XIRP2: variants seen among roughly 807,000 people sequenced by gnomAD.
XIRP2 encodes the protein xin actin-binding repeat-containing protein 2.
XIRP2 carries 236 observed loss-of-function variants against 277.0 expected under a neutral mutation model. The observed-to-expected ratio is 0.85, with a 90% CI of 0.77 to 0.95. The LOEUF (loss-of-function observed/expected upper bound fraction) is 0.95, where lower values mean the gene tolerates loss of function less well. XIRP2 is among the 40% of genes least tolerant of loss of function. The pLI is 0.00. For missense variants in XIRP2, 4,640 were observed against 4,157.5 expected (o/e 1.12, Z -3.19); for synonymous variants, 1,490 against 1,416.5 (o/e 1.05, Z -1.17).
chr2:167,121,594 C>T (rs559733465), intron 2 of XIRP2, among the ~76,000 whole-genome samples: 1 of 152,142 alleles, frequency 6.6e-6, no homozygotes, highest in African/African-American at 2.4e-5. Flanking sequence ...GTTTTCTTTT[C>T]ATTATAATTC....
At chr2:166,939,539 G>T (rs1396269800) in intron 2 of XIRP2, among the ~76,000 whole-genome samples, 2 of 151,324 alleles carry the variant, frequency 1.3e-5, no homozygotes, top group Non-Finnish European at 2.9e-5. Context: ...AATTAGCTGG[G>T]CGTGGTGGTG....
chr2:167,122,859 C>T (rs757354061), intron 2 of XIRP2, among the ~76,000 whole-genome samples: 1 of 152,118 alleles, frequency 6.6e-6, no homozygotes, highest in African/African-American at 2.4e-5. Context: ...CATGTGTTTT[C>T]CATTCCTAGT....
chr2:166,987,974 A>G (rs1447161627), intron 2 of XIRP2, among the ~76,000 whole-genome samples: 3 of 152,248 alleles, frequency 2.0e-5, no homozygotes, highest in East Asian at 3.8e-4. Flanking sequence ...AGAATGCACA[A>G]TGGAAATATA....
chr2:166,924,335 A>T (rs1685129879), intron 2 of XIRP2, among the ~76,000 whole-genome samples: 1 of 152,030 alleles, frequency 6.6e-6, no homozygotes, highest in Non-Finnish European at 1.5e-5. Flanking sequence ...TACTCTTCAG[A>T]ATTGTTAGCA....
chr2:167,099,476 C>A (rs1690427609), intron 2 of XIRP2, among the ~76,000 whole-genome samples: 1 of 152,128 alleles, frequency 6.6e-6, no homozygotes, highest in African/African-American at 2.4e-5. Context: ...TGAGCAAGAC[C>A]ACCTGGCTCC....
At chr2:167,013,583 A>C (rs1687741547) in intron 2 of XIRP2, among the ~76,000 whole-genome samples, 1 of 151,534 alleles carries the variant, frequency 6.6e-6, no homozygotes, top group Admixed American at 6.6e-5. Context: ...TCCTAAAATA[A>C]TATAAAGACT....
At chr2:167,149,178 C>T (rs958876270) in intron 3 of XIRP2, among the ~76,000 whole-genome samples, 4 of 152,112 alleles carry the variant, frequency 2.6e-5, no homozygotes, top group African/African-American at 7.2e-5. Flanking sequence ...CAACCTAATT[C>T]AAGTTTGAGA....
At chr2:167,024,634 A>G (rs191450406) in intron 2 of XIRP2, among the ~76,000 whole-genome samples, 4,553 of 152,130 alleles carry the variant, frequency 0.03, 76 homozygotes, top group East Asian at 0.081. Flanking sequence ...TCCCATCAAT[A>G]CCTAATGTAT....
chr2:167,166,281 T>A (rs1474547958), intron 3 of XIRP2, among the ~76,000 whole-genome samples: 1 of 152,210 alleles, frequency 6.6e-6, no homozygotes, highest in Non-Finnish European at 1.5e-5. Flanking sequence ...TTTCATTCTG[T>A]TATTAATTTC....
intron 3 of XIRP2, among the ~76,000 whole-genome samples, chr2:167,207,786 T>C (rs990508311): frequency 6.6e-6 from 1 of 152,146 alleles, no homozygotes; most frequent in Admixed American, 6.5e-5. Flanking sequence ...ATATTGAAAT[T>C]AAAATGTAAA....
chr2:167,073,634 G>T (rs1441656282), intron 2 of XIRP2, among the ~76,000 whole-genome samples: 4 of 151,980 alleles, frequency 2.6e-5, no homozygotes, highest in Non-Finnish European at 5.9e-5. Context: ...AAACCTACTG[G>T]TGTAATTAGA....
At chr2:166,947,241 C>G (rs1355263113) in intron 2 of XIRP2, among the ~76,000 whole-genome samples, 5 of 152,138 alleles carry the variant, frequency 3.3e-5, no homozygotes, top group Admixed American at 3.3e-4. Context: ...ACCTTTACAA[C>G]AGGAGTTCAA....
At chr2:167,043,416 GA>G (rs1302763002) in intron 2 of XIRP2, among the ~76,000 whole-genome samples, 1 of 151,944 alleles carries the variant, frequency 6.6e-6, no homozygotes, top group Non-Finnish European at 1.5e-5. Context: ...TTGGTTCCTT[GA>G]AAGAGTAAAT....
intron 2 of XIRP2, among the ~76,000 whole-genome samples, chr2:166,938,018 A>T (rs186254604): frequency 1.3e-5 from 2 of 151,876 alleles, no homozygotes; most frequent in African/African-American, 2.4e-5. Context: ...GTGGTCTATC[A>T]ATTTTGTTGA....
rs141275935 is a variant in XIRP2 at position 167,158,571 on chromosome 2, A to C, written c.562+22509A>C. Among the ~76,000 whole-genome samples the C allele has an allele frequency of 4.0e-3, 613 of 152,302 alleles. 4 individuals carry two copies. The highest frequency in any genetic ancestry group is 0.014 in the African/African-American group (591 of 41,550). On this transcript the variant is annotated intron_variant, in intron 3 of 10. Coordinates refer to ENST00000409195, the MANE Select transcript of XIRP2 (RefSeq NM_152381.6). ...CTTCACAGAGTTTACCATGTAACTT[A>C]CATTTCTACTGTGCTTTCACAGTAT...
At chr2:167,223,563 C>T (rs1184056186) in intron 5 of XIRP2, among the ~76,000 whole-genome samples, 1 of 152,160 alleles carries the variant, frequency 6.6e-6, no homozygotes, top group African/African-American at 2.4e-5. Context: ...GTTTTAGACT[C>T]TTTAAAGGTG....
chr2:166,913,852 G>A (rs1190587638), intron 2 of XIRP2, among the ~76,000 whole-genome samples: 1 of 152,120 alleles, frequency 6.6e-6, no homozygotes, highest in Non-Finnish European at 1.5e-5. Context: ...AACAGTAGAA[G>A]GATCCAAGTT....
chr2:167,109,271 T>TCTTCTC (rs369248055), intron 2 of XIRP2, among the ~76,000 whole-genome samples: 36 of 152,060 alleles, frequency 2.4e-4, no homozygotes, highest in African/African-American at 4.8e-4. Flanking sequence ...CACCACATTT[T>TCTTCTC]CTTCTCCTTC....
intron 5 of XIRP2, among the ~76,000 whole-genome samples, chr2:167,238,069 C>G (rs1369560258): frequency 6.6e-6 from 1 of 152,176 alleles, no homozygotes; most frequent in Non-Finnish European, 1.5e-5. Flanking sequence ...AACTAAAGCA[C>G]TTTGTTCATT....
Sources: gnomAD v4.1 joint callset for allele counts (sites outside exome capture counted in the v4.1 genomes callset) on GRCh38, gnomAD v4.1.1 for gene constraint, MANE v1.5 for transcripts, NCBI Gene and HGNC (gene_info 2026-07-23, HGNC 2026-07-21) for gene names.